Variants in ASTN1 observed in about 807,000 individuals in gnomAD.
The protein encoded by ASTN1 is astrotactin 1.
A neutral mutation model predicts 140.7 loss-of-function variants in ASTN1; 41 were observed. The observed-to-expected ratio is 0.29, with a 90% confidence interval of 0.23 to 0.38. The LOEUF (loss-of-function observed/expected upper bound fraction) is 0.38, where lower values mean the gene tolerates loss of function less well. Among genes scored for constraint, ASTN1 ranks in the 10% least tolerant of loss-of-function variants. ASTN1 has a pLI of 1.00. For synonymous variants in ASTN1, 640 were observed against 652.2 expected, an observed-to-expected ratio of 0.98 and a Z score of 0.29; for missense variants, 1,479 against 1,678.8, an observed-to-expected ratio of 0.88 and a Z score of 2.08.
chr1:177,149,509 AATATATATAGTATATATATAGTAAAT>A lies in ASTN1; in HGVS notation c.283+14859_283+14884del, dbSNP rs1558131270. 6.1e-4 allele frequency among the ~76,000 whole-genome samples: 37 copies of A among 60,788 alleles called. 1 individual carries two copies. The highest frequency in any genetic ancestry group is 3.0e-3 in the African/African-American group (35 of 11,838). 39.9% of individuals were successfully genotyped at this position (60,788 alleles called of 152,430 possible). On this transcript the variant is annotated intron_variant, in intron 1 of 22. Coordinates refer to ENST00000361833, the MANE Select transcript of ASTN1 (RefSeq NM_004319.3). The stretch of plus-strand genomic sequence containing the variant: ...AAATATATATAGTATATATATAGTA[AATATATATAGTATATATATAGTAAAT>A]ATATATAGTATATATATAGTAAATA...
At chr1:176,975,825 T>A (rs1297122083) in intron 8 of ASTN1, among the ~76,000 whole-genome samples, 1 of 152,160 alleles carries the variant, frequency 6.6e-6, no homozygotes, top group Non-Finnish European at 1.5e-5. Context: ...TAGGGTTGGG[T>A]CAAACATCAG....
chr1:177,149,653 C>A (rs189843781), intron 1 of ASTN1, among the ~76,000 whole-genome samples: 1 of 71,454 alleles, frequency 1.4e-5, no homozygotes, highest in Non-Finnish European at 2.1e-5. Context: ...TATATATACA[C>A]TGTATATATA....
chr1:177,087,011 CT>C (rs911451300), intron 1 of ASTN1, among the ~76,000 whole-genome samples: 22 of 151,534 alleles, frequency 1.5e-4, no homozygotes, highest in Admixed American at 2.0e-4. Context: ...TATTCTCAAA[CT>C]TTTTTTTTAG....
At chr1:177,050,322 C>A (rs1438456426) in intron 2 of ASTN1, among the ~76,000 whole-genome samples, 1 of 152,164 alleles carries the variant, frequency 6.6e-6, no homozygotes, top group Non-Finnish European at 1.5e-5. Context: ...CCACCTTAAG[C>A]AGTTATACAA....
At position 176,894,725 on chromosome 1, in the gene ASTN1, G is replaced by T. The variant is rs886869912; in HGVS notation, c.2777C>A (p.Ala926Glu). The change falls in exon 17 of 23, where the codon GCG becomes GAG. Residue 926 changes from alanine to glutamate, a missense_variant. This residue lies in a region of ASTN1 where 746 missense variants were observed against 800.9 expected (regional missense o/e 0.93). Coordinates refer to ENST00000361833, the MANE Select transcript of ASTN1 (RefSeq NM_004319.3). ...SLSDSGTKHM[A>E]AGVRMECHSK... ...GTGGCACTCCATGCGGACTCCAGCC[G>T]CCATGTGCTTGGTGCCGGAGTCTGA... 2 of 1,614,120 alleles carry T rather than the reference G, an allele frequency of 1.2e-6. No homozygotes were observed. Among genetic ancestry groups the T allele is most frequent in the Non-Finnish European group, 8.5e-7 (1 of 1,180,022 alleles).
intron 8 of ASTN1, among the ~76,000 whole-genome samples, chr1:176,996,287 TCTCA>T (rs1321020799): frequency 2.7e-4 from 37 of 138,130 alleles, no homozygotes; most frequent in South Asian, 1.9e-3. Context: ...TCTCTCTCTC[TCTCA>T]CACACACACA....
At chr1:176,948,321 TG>T (rs974322001) in intron 12 of ASTN1, among the ~76,000 whole-genome samples, 23 of 137,608 alleles carry the variant, frequency 1.7e-4, no homozygotes, top group South Asian at 8.2e-4. Flanking sequence ...GAATGGAGAG[TG>T]GGGGAAGGAT....
chr1:177,001,025 C>T (rs1047008288), intron 8 of ASTN1, among the ~76,000 whole-genome samples: 2 of 152,128 alleles, frequency 1.3e-5, no homozygotes, highest in African/African-American at 4.8e-5. Flanking sequence ...TTTAAAGATC[C>T]AATTAGGTTC....
At position 176,965,144 on chromosome 1, in the gene ASTN1, TCC is replaced by T; in HGVS notation, c.1598+17_1598+18del. ...GGGTTTGCAGACGTACATAAGCAAG[TCC>T]CTAGACAATCACTTACCTAAATATT... On this transcript the variant is annotated intron_variant, in intron 9 of 22. Coordinates refer to ENST00000361833, the MANE Select transcript of ASTN1 (RefSeq NM_004319.3). 6.2e-7 allele frequency: 1 copy of T among 1,611,314 alleles called. No homozygotes were observed.
chr1:176,950,778 A>T (rs991778509), intron 11 of ASTN1, among the ~76,000 whole-genome samples: 4 of 152,106 alleles, frequency 2.6e-5, no homozygotes, highest in African/African-American at 9.7e-5. Context: ...GCTTTTAATG[A>T]CTATGCTGTA....
intron 1 of ASTN1, among the ~76,000 whole-genome samples, chr1:177,147,251 C>T (rs899872333): frequency 6.6e-6 from 1 of 152,112 alleles, no homozygotes; most frequent in Non-Finnish European, 1.5e-5. Flanking sequence ...AGGGTATCAT[C>T]GGTCCCTGGG....
intron 21 of ASTN1, among the ~76,000 whole-genome samples, chr1:176,869,398 C>G (rs537184575): frequency 6.6e-6 from 1 of 152,114 alleles, no homozygotes; most frequent in Non-Finnish European, 1.5e-5. Flanking sequence ...TCTCTAAGGT[C>G]TGTTTCAGTT....
chr1:176,878,033 C>T (rs1409561758), intron 20 of ASTN1, among the ~76,000 whole-genome samples: 1 of 152,360 alleles, frequency 6.6e-6, no homozygotes, highest in Admixed American at 6.5e-5. Context: ...GTGTGAGAGC[C>T]TGTGTGCCCC....
At chr1:177,022,348 C>A (rs1317026974) in intron 7 of ASTN1, among the ~76,000 whole-genome samples, 2 of 152,184 alleles carry the variant, frequency 1.3e-5, no homozygotes, top group Non-Finnish European at 2.9e-5. Context: ...TTAGATATCA[C>A]TTTAACGCTT....
At chr1:177,148,953 C>T (rs971397529) in intron 1 of ASTN1, among the ~76,000 whole-genome samples, 8 of 147,052 alleles carry the variant, frequency 5.4e-5, no homozygotes, top group Admixed American at 2.1e-4. Context: ...GCTGAGTATG[C>T]TTATAGGCTT....
chr1:177,096,646 A>C (rs1328619123), intron 1 of ASTN1, among the ~76,000 whole-genome samples: 1 of 151,970 alleles, frequency 6.6e-6, no homozygotes, highest in Non-Finnish European at 1.5e-5. Context: ...GATAGTGAAA[A>C]AGTCTCATGA....
chr1:177,110,111 G>A (rs1238797300), intron 1 of ASTN1, among the ~76,000 whole-genome samples: 3 of 152,110 alleles, frequency 2.0e-5, no homozygotes, highest in South Asian at 2.1e-4. Flanking sequence ...ACGGAAGTGT[G>A]AAATTTTGAG....
At chr1:177,060,689 T>C (rs907574153) in intron 2 of ASTN1, among the ~76,000 whole-genome samples, 4 of 152,092 alleles carry the variant, frequency 2.6e-5, no homozygotes, top group African/African-American at 7.2e-5. Flanking sequence ...TTAGTAGAGA[T>C]GGGGTTTCAC....
chr1:177,023,515 G>T lies in ASTN1; in HGVS notation c.1327C>A (p.Pro443Thr). 1 of 1,609,246 alleles carries T rather than the reference G, an allele frequency of 6.2e-7. No individual in the cohort carries two copies. The highest frequency in any genetic ancestry group is 8.5e-7 in the Non-Finnish European group (1 of 1,178,406). ...TGAGAGAAGAGAACCACTTGGGCAG[G>T]GTTCAGCCAGTCACTGGCATCCAGC... ...SQLDASDWLN[P>T]AQVVLFSQQN... Residue 443 changes from proline to threonine, a missense_variant, in exon 7 of 23, where the codon CCT (proline) becomes ACT (threonine). Around this residue, in one of 3 missense-constraint regions of ASTN1, gnomAD observed 729 missense variants for 860.4 expected, o/e 0.85. Coordinates refer to ENST00000361833, the MANE Select transcript of ASTN1 (RefSeq NM_004319.3).
Sources: gnomAD v4.1 joint callset for allele counts (sites outside exome capture counted in the v4.1 genomes callset) on GRCh38, gnomAD v4.1.1 for gene constraint, gnomAD v4.1.1 regional missense constraint, MANE v1.5 for transcripts, NCBI Gene and HGNC (gene_info 2026-07-23, HGNC 2026-07-21) for gene names.